Variants in RASSF6 observed in about 807,000 individuals in gnomAD.
RASSF6 encodes ras association domain-containing protein 6.
In RASSF6, 52 loss-of-function variants were observed where a neutral mutation model predicts 44.0. The ratio of observed to expected loss-of-function variants is 1.18; its 90% CI spans 0.95 to 1.49. The LOEUF is 1.49. RASSF6 is among the 40% of genes most tolerant of loss of function. The pLI, the probability that RASSF6 is intolerant of heterozygous loss-of-function variation, is 0.00. For missense variants in RASSF6, 464 were observed against 393.3 expected, an observed-to-expected ratio of 1.18 and a Z score of -1.52; for synonymous variants, 162 against 124.6, an observed-to-expected ratio of 1.30 and a Z score of -2.00.
chr4:73,580,474 T>C lies in RASSF6; in HGVS notation c.721+1343A>G, dbSNP rs1723549629. ...CTGACTTCCACAATGGTTGAACTAG[T>C]TTACAGTCCCACAAACAGTGTAAAA... On this transcript the variant is annotated intron_variant, in intron 8 of 10. Transcript: ENST00000307439. Among the ~76,000 whole-genome samples the C allele has an allele frequency of 2.0e-5, 3 of 151,560 alleles. No homozygotes were observed. The South Asian group carries it at 6.3e-4, about 32-fold the overall frequency.
chr4:73,612,306 T>A (rs1726067099), intron 1 of RASSF6, among the ~76,000 whole-genome samples: 1 of 152,094 alleles, frequency 6.6e-6, no homozygotes, highest in Non-Finnish European at 1.5e-5. Context: ...AATAATCTCC[T>A]CCTTTATATG....
rs1319507239 is a variant in RASSF6, at chr4:73,582,241, T to A, written c.617A>T (p.Asn206Ile). 3 of 1,598,886 alleles carry A rather than the reference T, an allele frequency of 1.9e-6. No homozygotes were observed. In the African/African-American group the frequency reaches 4.0e-5, roughly 21 times the overall value. The change falls in exon 7 of 11, where the codon AAC (asparagine) becomes ATC (isoleucine). Residue 206 changes from asparagine (N) to isoleucine (I), a missense_variant. Physicochemically the swap from Asn to Ile is moderately radical, Grantham distance 149. Coordinates refer to ENST00000307439, the MANE Select transcript of RASSF6 (RefSeq NM_177532.5). ...TACTTCTTCAGTTCTCATGTTACTG[T>A]TTACTCTGACCTTAGTTTCTGATTC... ...AFESETKVRV[N>I]SNMRTEEVIK...
chr4:73,592,525 G>A (rs1424183796), intron 4 of RASSF6, among the ~76,000 whole-genome samples: 2 of 152,214 alleles, frequency 1.3e-5, no homozygotes, highest in Non-Finnish European at 2.9e-5. Flanking sequence ...GTTTCTTGCT[G>A]AGAATATTTA....
rs2149360217 is a variant in RASSF6, at chr4:73,575,908, G to T, written c.*327C>A. 1 of 180,024 alleles carries T rather than the reference G, an allele frequency of 5.6e-6. No homozygotes were observed. The highest frequency in any genetic ancestry group is 1.1e-5 in the Non-Finnish European group (1 of 87,138). The allele number at this position is 180,024 out of a possible 1,614,324, so 11.2% of individuals were successfully genotyped here. ...TGATTATGTTTCAGTTCTCTTGAGA[G>T]TCCAAGCTAAATGAAGTTTAAACTG... On this transcript the variant is annotated 3_prime_UTR_variant, in exon 11 of 11. Coordinates refer to ENST00000307439, the MANE Select transcript of RASSF6 (RefSeq NM_177532.5).
Position 73,578,420 on chromosome 4 carries a change from TA to T in RASSF6, c.722-1690del, listed in dbSNP as rs201276260. ...TTAATAAAACTGCTTTTTTTAAACT[TA>T]AAAAAAAATTCCCTTCCCCAAACAT... is the stretch of plus-strand genomic sequence containing the variant. On this transcript the variant is annotated intron_variant, in intron 8 of 10. Transcript: ENST00000307439. Among the ~76,000 whole-genome samples the T allele has an allele frequency of 7.4e-3, 1,116 of 151,570 alleles. 16 individuals are homozygous for T. The highest frequency in any genetic ancestry group is 0.026 in the African/African-American group (1,065 of 41,376).
intron 2 of RASSF6, among the ~76,000 whole-genome samples, chr4:73,599,450 A>G (rs988464645): frequency 6.6e-6 from 1 of 152,092 alleles, no homozygotes; most frequent in Admixed American, 6.5e-5. Flanking sequence ...CTGAGACCAG[A>G]TGTGCTGGTG....
chr4:73,614,535 T>C (rs962922841), intron 1 of RASSF6, among the ~76,000 whole-genome samples: 3 of 152,210 alleles, frequency 2.0e-5, no homozygotes, highest in African/African-American at 7.2e-5. Flanking sequence ...TATTTGGAAC[T>C]GAAGAACCAC....
intron 8 of RASSF6, among the ~76,000 whole-genome samples, chr4:73,580,943 T>G (rs963166163): frequency 6.6e-6 from 1 of 150,818 alleles, no homozygotes; most frequent in African/African-American, 2.4e-5. Context: ...CATGAAGTCC[T>G]TGCCCATGCC....
Position 73,581,818 on chromosome 4 carries a change from T to A in RASSF6, c.720A>T (p.Gly240=). The A allele has an allele frequency of 1.9e-6, 3 of 1,606,502 alleles. No individual in the cohort carries two copies. The highest frequency in any genetic ancestry group is 1.3e-5 in the African/African-American group (1 of 74,818). Residue 240 remains glycine (G), a splice_region_variant and synonymous_variant, in exon 8 of 11, where the codon GGA becomes GGT. Coordinates refer to ENST00000307439, the MANE Select transcript of RASSF6 (RefSeq NM_177532.5). The part of the protein sequence containing the change: ...DFALHIIFAT[G]EQRRLKKTDI... ...AAAAGTGTGATCAAGCTTTCTTACC[T>A]CCTGTTGCAAAAATAATGTGAAGAG...
intron 4 of RASSF6, among the ~76,000 whole-genome samples, chr4:73,588,839 C>T (rs1468561415): frequency 2.0e-5 from 3 of 151,434 alleles, no homozygotes; most frequent in Non-Finnish European, 4.4e-5. Context: ...GTATCTATTT[C>T]ATTCCTGATG....
At chr4:73,594,241 GC>G (rs1724778467) in intron 3 of RASSF6, among the ~76,000 whole-genome samples, 1 of 152,176 alleles carries the variant, frequency 6.6e-6, no homozygotes, top group Non-Finnish European at 1.5e-5. Context: ...ATATGAAAGT[GC>G]TTTTCCAATG....
intron 1 of RASSF6, among the ~76,000 whole-genome samples, chr4:73,617,099 CTTAA>C (rs1468041522): frequency 6.6e-6 from 1 of 152,114 alleles, no homozygotes; most frequent in Non-Finnish European, 1.5e-5. Context: ...CAAACTATCA[CTTAA>C]TTAAGTAATA....
At chr4:73,606,394 A>G (rs1725637160) in intron 2 of RASSF6, among the ~76,000 whole-genome samples, 1 of 152,218 alleles carries the variant, frequency 6.6e-6, no homozygotes, top group Admixed American at 6.5e-5. Flanking sequence ...GATGGGAACA[A>G]TGAGCACTGG....
chr4:73,572,953 A>G lies in RASSF6; in HGVS notation c.*3282T>C, dbSNP rs949764253. 3 of 152,122 alleles carry G rather than the reference A, an allele frequency of 2.0e-5. No homozygotes were observed. Among genetic ancestry groups the G allele is most frequent in the Non-Finnish European group, 4.4e-5 (3 of 68,014 alleles). 9.4% of individuals were successfully genotyped at this position (152,122 alleles called of 1,614,324 possible). A position where few individuals can be genotyped will look rare whatever the true frequency, so the allele number is the denominator to read the frequency against. On this transcript the variant is annotated 3_prime_UTR_variant, in exon 11 of 11. Coordinates refer to ENST00000307439, the MANE Select transcript of RASSF6 (RefSeq NM_177532.5). The stretch of plus-strand genomic sequence containing the variant: ...TGTTCACACACACAAATACATATAT[A>G]TATACACACACATACATATATAATA...
intron 1 of RASSF6, 145 bp downstream of exon 1, chr4:73,620,143 G>A: frequency 2.5e-6 from 1 of 401,968 alleles, no homozygotes; most frequent in Non-Finnish European, 4.3e-6. Flanking sequence ...AAAATCAAAA[G>A]GAAAAGGCAT....
chr4:73,577,226 A>C (rs1723293436), intron 8 of RASSF6, among the ~76,000 whole-genome samples: 1 of 152,178 alleles, frequency 6.6e-6, no homozygotes, highest in Non-Finnish European at 1.5e-5. Flanking sequence ...TGAGATCAAT[A>C]ATATTCTTAT....
In RASSF6 at chr4:73,573,026, A is replaced by G. The variant is rs1267042920; in HGVS notation, c.*3209T>C. ...AATATTTTGGAACATGTGTATGTGT[A>G]TATTCTTATTTAGATATATAAGAAT... is the stretch of plus-strand genomic sequence containing the variant. On this transcript the variant is annotated 3_prime_UTR_variant, in exon 11 of 11. Transcript: ENST00000307439. The G allele has an allele frequency of 6.6e-6, 1 of 152,120 alleles. No homozygotes were observed. Among genetic ancestry groups the G allele is most frequent in the Non-Finnish European group, 1.5e-5 (1 of 68,028 alleles). The allele number at this position is 152,120 out of a possible 1,614,324, so 9.4% of individuals were successfully genotyped here.
intron 6 of RASSF6, 32 bp from the exon 7 acceptor site, chr4:73,582,322 AATTAT>A (rs755272816): frequency 6.9e-6 from 8 of 1,152,380 alleles, no homozygotes; most frequent in Middle Eastern, 2.4e-4. Context: ...AAGTCTTTAA[AATTAT>A]ATTATATTAA....
chr4:73,594,262 T>C (rs1197121127), intron 3 of RASSF6, among the ~76,000 whole-genome samples: 1 of 152,248 alleles, frequency 6.6e-6, no homozygotes, highest in Non-Finnish European at 1.5e-5. Context: ...GTTAAAGTAA[T>C]GTTTTCTGTT....
Sources: gnomAD v4.1 joint callset for allele counts (sites outside exome capture counted in the v4.1 genomes callset) on GRCh38, gnomAD v4.1.1 for gene constraint, MANE v1.5 for transcripts, NCBI Gene and HGNC (gene_info 2026-07-23, HGNC 2026-07-21) for gene names.